The following KLF12 variants were observed in gnomAD, a reference collection of about 807,000 sequenced individuals.
KLF12 encodes the protein Krueppel-like factor 12.
A neutral mutation model predicts 37.8 loss-of-function variants in KLF12; 9 were observed. The ratio of observed to expected loss-of-function variants is 0.24; its 90% confidence interval spans 0.14 to 0.42. The LOEUF (loss-of-function observed/expected upper bound fraction) is 0.42, where lower values mean the gene tolerates loss of function less well. Ranked by LOEUF, KLF12 falls within the 10% of genes least tolerant of loss-of-function variation. The probability of loss-of-function intolerance (pLI) is 1.00; values close to 1 mark genes in which losing one functional copy is unlikely to be tolerated. For synonymous variants in KLF12, 208 were observed against 202.1 expected (o/e 1.03, Z -0.25); for missense variants, 411 against 516.0 (o/e 0.80, Z 1.97).
the KLF12 span, among the ~76,000 whole-genome samples, chr13:74,184,459 C>T: frequency 7.9e-5 from 12 of 152,086 alleles, no homozygotes; most frequent in East Asian, 1.2e-3. Flanking sequence ...ATAATGTTTC[C>T]ACTTGACCAA....
At chr13:73,924,151 C>A (rs1199826287) in intron 3 of KLF12, among the ~76,000 whole-genome samples, 3 of 152,178 alleles carry the variant, frequency 2.0e-5, no homozygotes, top group African/African-American at 4.8e-5. Context: ...ATGGCCAACT[C>A]TTTAAATTAC....
chr13:74,252,656 A>G, the KLF12 span, among the ~76,000 whole-genome samples: 1 of 152,346 alleles, frequency 6.6e-6, no homozygotes, highest in Non-Finnish European at 1.5e-5. Flanking sequence ...CAAATTATTT[A>G]TTATCCTTAA....
Position 74,107,982 on chromosome 13 carries a change from G to A in KLF12, c.-32+25757C>T, listed in dbSNP as rs149944704. 3.1e-3 allele frequency among the ~76,000 whole-genome samples: 469 copies of A among 152,196 alleles called. 3 individuals carry two copies. Among genetic ancestry groups the A allele is most frequent in the Non-Finnish European group, 5.3e-3 (358 of 68,022 alleles). ...ATTAGGCTTATATACTGTACATATGGTCCTTTAATTTCCATTCCATGCAAA... is the reference window on the plus strand; with the variant it reads ...ATTAGGCTTATATACTGTACATATGATCCTTTAATTTCCATTCCATGCAAA... On this transcript the variant is annotated intron_variant, in intron 1 of 7. Transcript: ENST00000377669.
At chr13:73,954,726 C>A (rs1405004003) in intron 2 of KLF12, among the ~76,000 whole-genome samples, 1 of 152,208 alleles carries the variant, frequency 6.6e-6, no homozygotes, top group Non-Finnish European at 1.5e-5. Flanking sequence ...AATGCATACA[C>A]TTGACCCAAT....
At chr13:73,795,340 T>C (rs148223541) in intron 5 of KLF12, among the ~76,000 whole-genome samples, 38 of 152,336 alleles carry the variant, frequency 2.5e-4, no homozygotes, top group African/African-American at 8.7e-4. Flanking sequence ...CTAGGTATAA[T>C]GGACACCAAA....
At chr13:73,875,119 G>A (rs1356107731) in intron 3 of KLF12, among the ~76,000 whole-genome samples, 3 of 149,424 alleles carry the variant, frequency 2.0e-5, no homozygotes, top group African/African-American at 7.4e-5. Flanking sequence ...AAGATCACTC[G>A]CCAATCAATA....
intron 6 of KLF12, among the ~76,000 whole-genome samples, chr13:73,752,337 G>T (rs1878819585): frequency 6.8e-6 from 1 of 146,352 alleles, no homozygotes; most frequent in Non-Finnish European, 1.5e-5. Context: ...TTTAGTTAAT[G>T]GTTTGCAGGC....
chr13:74,221,513 C>T, the KLF12 span, among the ~76,000 whole-genome samples: 1 of 151,678 alleles, frequency 6.6e-6, no homozygotes, highest in African/African-American at 2.4e-5. Flanking sequence ...GATCTAATTT[C>T]CTTAATATTA....
At chr13:74,247,840 G>A in the KLF12 span, among the ~76,000 whole-genome samples, 16 of 152,086 alleles carry the variant, frequency 1.1e-4, no homozygotes, top group Admixed American at 5.9e-4. Context: ...CAAATTGAAT[G>A]AATTAATGTT....
rs1044618712 is a variant in KLF12 at position 74,056,539 on chromosome 13, T to C, written c.-31-61486A>G. Among the ~76,000 whole-genome samples, 6 of 152,208 alleles carry C rather than the reference T, an allele frequency of 3.9e-5. 1 individual carries two copies. The highest frequency in any genetic ancestry group is 3.3e-4 in the Admixed American group (5 of 15,282). On this transcript the variant is annotated intron_variant, in intron 1 of 7. Coordinates refer to ENST00000377669, the MANE Select transcript of KLF12 (RefSeq NM_007249.5). ...GAGTGCATGAGAATTCGATTTAACATGAAGAGCTCCCTGCACAGAGGGGAG... is the reference window on the plus strand; with the variant it reads ...GAGTGCATGAGAATTCGATTTAACACGAAGAGCTCCCTGCACAGAGGGGAG...
chr13:73,756,233 C>T (rs2138013399), intron 6 of KLF12, among the ~76,000 whole-genome samples: 1 of 152,218 alleles, frequency 6.6e-6, no homozygotes, highest in South Asian at 2.1e-4. Flanking sequence ...ATACCAGAAC[C>T]CAGCTTGTAG....
the KLF12 span, among the ~76,000 whole-genome samples, chr13:74,224,546 C>G: frequency 6.6e-6 from 1 of 152,122 alleles, no homozygotes; most frequent in Admixed American, 6.6e-5. Flanking sequence ...TTCCATTTCC[C>G]TAGCATTTGA....
At chr13:74,116,719 T>C (rs1487137563) in intron 1 of KLF12, among the ~76,000 whole-genome samples, 1 of 152,224 alleles carries the variant, frequency 6.6e-6, no homozygotes, top group Admixed American at 6.5e-5. Context: ...CTATAAACTA[T>C]AATTAGGCCT....
chr13:74,177,504 G>A, the KLF12 span, among the ~76,000 whole-genome samples: 1 of 152,104 alleles, frequency 6.6e-6, no homozygotes, highest in Admixed American at 6.6e-5. Context: ...AGGCCAGAAA[G>A]TTACCATATT....
At chr13:74,257,343 G>A in the KLF12 span, 1 of 152,182 alleles carries the variant, frequency 6.6e-6, no homozygotes, top group Non-Finnish European at 1.5e-5. Flanking sequence ...TGGTGTCCAG[G>A]CTAGTGGACT....
rs181733962 is a variant in KLF12, at chr13:73,757,334, C to G, written c.869+7604G>C. On this transcript the variant is annotated intron_variant, in intron 6 of 7. Coordinates refer to ENST00000377669, the MANE Select transcript of KLF12 (RefSeq NM_007249.5). ...TTGGTTTAAATCTTTTTTATAAATA[C>G]GTTGCACGCTATCTATTGCTCTCTT... Among the ~76,000 whole-genome samples, 576 of 152,142 alleles carry G rather than the reference C, an allele frequency of 3.8e-3. 8 individuals carry two copies. The highest frequency in any genetic ancestry group is 0.013 in the African/African-American group (559 of 41,492).
intron 5 of KLF12, among the ~76,000 whole-genome samples, chr13:73,809,261 GTTA>G (rs1270753949): frequency 6.6e-6 from 1 of 152,014 alleles, no homozygotes; most frequent in Non-Finnish European, 1.5e-5. Context: ...TTATCCTTTT[GTTA>G]TTTAATACAT....
the KLF12 span, among the ~76,000 whole-genome samples, chr13:74,270,839 A>G: frequency 1.6e-4 from 24 of 152,228 alleles, no homozygotes; most frequent in African/African-American, 5.5e-4. Context: ...CACTCTGGGT[A>G]GTTAGGGTTA....
Position 73,707,109 on chromosome 13 carries a change from C to T in KLF12, c.1027+8259G>A, listed in dbSNP as rs576808146. Among the ~76,000 whole-genome samples the T allele has an allele frequency of 3.9e-5, 6 of 152,244 alleles. No homozygotes were observed. The East Asian group carries it at 1.2e-3, about 29-fold the overall frequency. On this transcript the variant is annotated intron_variant, in intron 7 of 7. Coordinates refer to ENST00000377669, the MANE Select transcript of KLF12 (RefSeq NM_007249.5). Reference sequence around the variant, plus strand: ...GCACGGTTCCAGTGAAGAGAGAAGACTCGTAGGTTATCAGCAAACTAGTCT... The same window carrying T: ...GCACGGTTCCAGTGAAGAGAGAAGATTCGTAGGTTATCAGCAAACTAGTCT...
Sources: gnomAD v4.1 joint callset for allele counts (sites outside exome capture counted in the v4.1 genomes callset) on GRCh38, gnomAD v4.1.1 for gene constraint, MANE v1.5 for transcripts, NCBI Gene and HGNC (gene_info 2026-07-23, HGNC 2026-07-21) for gene names.